The following PKD1L3 variants were observed in gnomAD, a reference collection of about 807,000 sequenced individuals.
PKD1L3 encodes polycystin 1 like 3, transient receptor potential channel interacting.
Under a neutral mutation model 184.1 loss-of-function variants are expected in PKD1L3, and 239 were observed. The observed-to-expected ratio is 1.30, with a 90% CI of 1.17 to 1.45. The LOEUF is 1.45. Among genes scored for constraint, PKD1L3 ranks in the 40% most tolerant of loss-of-function variants. PKD1L3 has a pLI of 0.00. For missense variants in PKD1L3, 2,660 were observed against 2,067.2 expected, an observed-to-expected ratio of 1.29 and a Z score of -5.56; for synonymous variants, 996 against 778.8, an observed-to-expected ratio of 1.28 and a Z score of -4.64.
chr16:71,957,494 A>G (rs1367067921), intron 16 of PKD1L3, among the ~76,000 whole-genome samples: 11 of 152,110 alleles, frequency 7.2e-5, no homozygotes, highest in Non-Finnish European at 1.5e-5. Context: ...GAAGACACAA[A>G]TGAATTGAAA....
At chr16:71,934,222 C>T in intron 26 of PKD1L3, 97 bp from the exon 27 acceptor site, 1 of 1,121,054 alleles carries the variant, frequency 8.9e-7, no homozygotes, top group South Asian at 1.4e-5. Flanking sequence ...AGCCCTGAGT[C>T]CTGTGAGGTC....
intron 24 of PKD1L3, 37 bp from the exon 25 acceptor site, chr16:71,937,456 A>G: frequency 1.3e-6 from 2 of 1,540,514 alleles, no homozygotes; most frequent in Non-Finnish European, 1.7e-6. Context: ...TCAAGAGTCT[A>G]AAACTTTTGC....
rs902460194 is a variant in PKD1L3, at chr16:71,950,087, G to A, written c.3383+31C>T. On this transcript the variant is annotated intron_variant, in intron 20 of 29. Coordinates refer to ENST00000620267, the MANE Select transcript of PKD1L3 (RefSeq NM_181536.2). ...AGATAGAGGATGAGGAAGATTACAG[G>A]GGATAAAGAAGGCTTGGTGTGGTGC... 1.2e-5 allele frequency: 18 copies of A among 1,548,596 alleles called. No individual in the cohort carries two copies. In the Admixed American group the frequency reaches 3.5e-4, roughly 30 times the overall value.
At position 71,986,380 on chromosome 16, in the gene PKD1L3, G is replaced by GCTGGCTT. The variant is rs1277175833; in HGVS notation, c.674_675insAAGCCAG (p.Ser225ArgfsTer60). The GCTGGCTT allele has an allele frequency of 1.3e-6, 2 of 1,551,866 alleles. No homozygotes were observed. The highest frequency in any genetic ancestry group is 2.4e-5 in the South Asian group (2 of 84,062). On this transcript the variant is annotated frameshift_variant, in exon 5 of 30. Transcript: ENST00000620267. LOFTEE classifies it high-confidence loss of function. Reference sequence around the variant, plus strand: ...GTGTTATCACAGGGAGAGGCTGGCTGCTGGGTTCAGATGCGGCTGATGTTA... The same window carrying GCTGGCTT: ...GTGTTATCACAGGGAGAGGCTGGCTGCTGGCTTCTGGGTTCAGATGCGGCTGATGTTA...
chr16:71,997,680 G>A (rs556473560), intron 2 of PKD1L3, among the ~76,000 whole-genome samples: 6 of 151,994 alleles, frequency 3.9e-5, no homozygotes, highest in Admixed American at 2.0e-4. Flanking sequence ...CCCGGGAGGC[G>A]GAGCTTGTGG....
rs368490264 is a variant in PKD1L3, at chr16:71,950,005, A to T, written c.3396T>A (p.Ser1132Arg). 12 of 1,551,068 alleles carry T rather than the reference A, an allele frequency of 7.7e-6. No homozygotes were observed. The highest frequency in any genetic ancestry group is 2.0e-5 in the Admixed American group (1 of 50,796). Residue 1132 changes from serine to arginine, a missense_variant, in exon 21 of 30, where the codon AGT becomes AGA. By Grantham distance (110) the Ser-to-Arg change is moderately radical. Transcript: ENST00000620267. ...CTTCTTCTGAGCTCAGGATGGCAAA[A>T]CTGGTGACTTCCCTGAAGCACAAAA... ...TEQEPSREVTSFAILSSEEGK... is the reference protein window; with the variant it reads ...TEQEPSREVTRFAILSSEEGK...
At chr16:71,988,078 C>A (rs1026985175) in intron 4 of PKD1L3, among the ~76,000 whole-genome samples, 1 of 20,916 alleles carries the variant, frequency 4.8e-5, no homozygotes, top group Non-Finnish European at 6.9e-5. Flanking sequence ...CATGATTTCA[C>A]TTGTTTTCAC....
intron 7 of PKD1L3, among the ~76,000 whole-genome samples, chr16:71,981,535 CTTTTT>C (rs543488508): frequency 8.6e-5 from 9 of 105,078 alleles, no homozygotes; most frequent in African/African-American, 3.3e-4. Context: ...TTCCTAAATT[CTTTTT>C]TTTTTTTTTT....
chr16:71,963,807 GATCTT>G (rs1403691233), intron 15 of PKD1L3, among the ~76,000 whole-genome samples: 2 of 152,070 alleles, frequency 1.3e-5, no homozygotes, highest in African/African-American at 2.4e-5. Context: ...AAAGAGAGTA[GATCTT>G]ATCTTTCCCT....
chr16:71,970,419 T>C (rs2039668216), intron 12 of PKD1L3, among the ~76,000 whole-genome samples: 1 of 152,098 alleles, frequency 6.6e-6, no homozygotes, highest in African/African-American at 2.4e-5. Flanking sequence ...TTATCAAAAA[T>C]AGGAAACAAC....
At chr16:71,965,921 G>T (rs2039486209) in intron 15 of PKD1L3, among the ~76,000 whole-genome samples, 1 of 152,080 alleles carries the variant, frequency 6.6e-6, no homozygotes, top group Non-Finnish European at 1.5e-5. Context: ...ATTTACTGAT[G>T]ACTAACCAGG....
Position 71,930,029 on chromosome 16 carries a change from TA to T in PKD1L3, c.5058+22del. The T allele has an allele frequency of 1.9e-6, 3 of 1,541,636 alleles. No individual in the cohort carries two copies. The East Asian group carries it at 7.3e-5, about 38-fold the overall frequency. On this transcript the variant is annotated intron_variant, in intron 29 of 29. Transcript: ENST00000620267. ...CTTTCCCAGTGATATAACAGCATGC[TA>T]GTTTATCTTTTAGTTACCTACCTTA...
intron 3 of PKD1L3, among the ~76,000 whole-genome samples, chr16:71,992,391 GCCACAT>G (rs2040622408): frequency 6.6e-6 from 1 of 152,116 alleles, no homozygotes; most frequent in African/African-American, 2.4e-5. Flanking sequence ...GACACTTAAA[GCCACAT>G]GTTACGTAAG....
chr16:71,977,065 T>C (rs1326426487), intron 11 of PKD1L3, among the ~76,000 whole-genome samples, 171 bp downstream of exon 11: 2 of 152,142 alleles, frequency 1.3e-5, no homozygotes, highest in Non-Finnish European at 2.9e-5. Flanking sequence ...TTTAAGAAAT[T>C]AGCCAGATGT....
intron 16 of PKD1L3, among the ~76,000 whole-genome samples, chr16:71,959,019 G>A (rs985595361): frequency 7.0e-6 from 1 of 143,730 alleles, no homozygotes; most frequent in Non-Finnish European, 1.5e-5. Flanking sequence ...GGGAGGCAGA[G>A]GTTATAGTAA....
intron 24 of PKD1L3, among the ~76,000 whole-genome samples, chr16:71,938,877 C>T (rs949254065): frequency 6.6e-6 from 1 of 152,226 alleles, no homozygotes; most frequent in Admixed American, 6.5e-5. Flanking sequence ...TTCCTGGATG[C>T]AGGACAAGAA....
At position 71,967,096 on chromosome 16, in the gene PKD1L3, C is replaced by T. The variant is rs188849872; in HGVS notation, c.2465+41G>A. The T allele has an allele frequency of 4.5e-5, 69 of 1,520,724 alleles. No individual in the cohort carries two copies. In the African/African-American group the frequency reaches 7.3e-4, roughly 16 times the overall value. The allele number at this position is 1,520,724 out of a possible 1,614,324, so 94.2% of individuals were successfully genotyped here. The stretch of plus-strand genomic sequence containing the variant: ...GATCTTCTTTCTTCTCTCTTGGATC[C>T]ACAAAGCAGCAGCAACAGCCAACAG... On this transcript the variant is annotated intron_variant, in intron 15 of 29. Coordinates refer to ENST00000620267, the MANE Select transcript of PKD1L3 (RefSeq NM_181536.2).
In PKD1L3 at chr16:71,979,831, TAAAGCCGACGG is replaced by T; in HGVS notation, c.1342_1352del (p.Pro448SerfsTer8). 1 of 1,517,870 alleles carries T rather than the reference TAAAGCCGACGG, an allele frequency of 6.6e-7. No homozygotes were observed. The highest frequency in any genetic ancestry group is 8.8e-7 in the Non-Finnish European group (1 of 1,138,672). 94.0% of individuals were successfully genotyped at this position (1,517,870 alleles called of 1,614,324 possible). On this transcript the variant is annotated frameshift_variant, in exon 9 of 30. Coordinates refer to ENST00000620267, the MANE Select transcript of PKD1L3 (RefSeq NM_181536.2). LOFTEE classifies it high-confidence loss of function. Reference sequence around the variant, plus strand: ...GTTTATTCAAGAGCTCCTTCAAAGCTAAAGCCGACGGAAAGCCTAGCCTCACAGGGGCTGGG... The same window carrying T: ...GTTTATTCAAGAGCTCCTTCAAAGCTAAAGCCTAGCCTCACAGGGGCTGGG...
At chr16:71,988,907 T>C (rs563640340) in intron 4 of PKD1L3, among the ~76,000 whole-genome samples, 2 of 152,230 alleles carry the variant, frequency 1.3e-5, no homozygotes, top group Non-Finnish European at 2.9e-5. Flanking sequence ...TAACAAGTCC[T>C]GTGCAGAATT....
Sources: gnomAD v4.1 joint callset for allele counts (sites outside exome capture counted in the v4.1 genomes callset) on GRCh38, gnomAD v4.1.1 for gene constraint, MANE v1.5 for transcripts, NCBI Gene and HGNC (gene_info 2026-07-23, HGNC 2026-07-21) for gene names.